PNLDC1: variants seen among roughly 807,000 people sequenced by gnomAD.
PNLDC1 encodes poly(A)-specific ribonuclease PNLDC1.
In PNLDC1, 70 loss-of-function variants were observed where a neutral mutation model predicts 82.0. The observed-to-expected ratio is 0.85, with a 90% CI of 0.70 to 1.04. The LOEUF (loss-of-function observed/expected upper bound fraction) is 1.04. Among genes scored for constraint, PNLDC1 ranks in the 50% least tolerant of loss-of-function variants. The pLI is 0.00. For missense variants in PNLDC1, 631 were observed against 661.1 expected, an observed-to-expected ratio of 0.95 and a Z score of 0.50; for synonymous variants, 280 against 249.3, an observed-to-expected ratio of 1.12 and a Z score of -1.16.
upstream of PNLDC1, among the ~76,000 whole-genome samples, chr6:159,799,844 A>G (rs2115017890): frequency 6.6e-6 from 1 of 152,300 alleles, no homozygotes; most frequent in Middle Eastern, 3.4e-3. Flanking sequence ...GGGGACAGAC[A>G]TACTGGCAGT....
In PNLDC1 at chr6:159,820,453, G is replaced by A. The variant is rs780167072; in HGVS notation, c.1533-1G>A. ...CACTGACACGTGTCATTGTCTTGCA[G>A]AGTCTGTGGCATAGTGACTGCCTGG... On this transcript the variant is annotated splice_acceptor_variant, in intron 18 of 18. Transcript: ENST00000392167. LOFTEE classifies it high-confidence loss of function. 1 of 1,614,094 alleles carries A rather than the reference G, an allele frequency of 6.2e-7. No individual in the cohort carries two copies. Among genetic ancestry groups the A allele is most frequent in the Admixed American group, 1.7e-5 (1 of 60,024 alleles).
intron 10 of PNLDC1, among the ~76,000 whole-genome samples, chr6:159,810,886 A>C (rs762134341): frequency 2.0e-5 from 3 of 152,246 alleles, no homozygotes; most frequent in Non-Finnish European, 4.4e-5. Context: ...AGTGAAATTA[A>C]TAATACACAT....
intron 15 of PNLDC1, 146 bp downstream of exon 15, chr6:159,817,297 G>T (rs1252279282): frequency 1.3e-5 from 10 of 798,404 alleles, no homozygotes; most frequent in Non-Finnish European, 1.9e-5. Context: ...TCTTGTCCCT[G>T]ACTGGGCAGC....
chr6:159,808,541 A>AAC (rs1413985686), intron 7 of PNLDC1, among the ~76,000 whole-genome samples, 199 bp from the exon 8 acceptor site: 11 of 151,768 alleles, frequency 7.2e-5, no homozygotes, highest in Admixed American at 6.6e-4. Context: ...AAAAAAAAAA[A>AAC]AAAAAACTCT....
chr6:159,800,899 T>A (rs951859330), intron 2 of PNLDC1, 70 bp downstream of exon 2: 1 of 1,606,736 alleles, frequency 6.2e-7, no homozygotes, highest in African/African-American at 1.3e-5. Context: ...GCCAGCAGCC[T>A]GTTGGCATTT....
At chr6:159,800,506 G>A (rs1208438393) in intron 1 of PNLDC1, 123 bp downstream of exon 1, 14 of 1,314,552 alleles carry the variant, frequency 1.1e-5, no homozygotes, top group African/African-American at 1.5e-5. Flanking sequence ...GGAAGGACAG[G>A]GGGGCTTCCT....
chr6:159,808,502 A>G (rs1252181356), intron 7 of PNLDC1, among the ~76,000 whole-genome samples: 1 of 149,392 alleles, frequency 6.7e-6, no homozygotes, highest in African/African-American at 2.5e-5. Flanking sequence ...GCTCTATGGC[A>G]TCCCCAACTT....
intron 13 of PNLDC1, 81 bp downstream of exon 13, chr6:159,816,114 T>TCC (rs1781806378): frequency 5.2e-6 from 3 of 576,176 alleles, no homozygotes; most frequent in Non-Finnish European, 6.5e-6. Context: ...TGACCCTGGT[T>TCC]CCCCCACACC....
At chr6:159,810,501 A>G (rs777737853) in intron 10 of PNLDC1, among the ~76,000 whole-genome samples, 1 of 152,104 alleles carries the variant, frequency 6.6e-6, no homozygotes, top group Non-Finnish European at 1.5e-5. Context: ...GCATTATTTT[A>G]TGTTGTTAAA....
At position 159,819,448 on chromosome 6, in the gene PNLDC1, T is replaced by C. The variant is rs1781962226; in HGVS notation, c.1532+96T>C. 1 of 1,071,526 alleles carries C rather than the reference T, an allele frequency of 9.3e-7. No homozygotes were observed. The highest frequency in any genetic ancestry group is 2.2e-5 in the Admixed American group (1 of 44,848). The allele number at this position is 1,071,526 out of a possible 1,614,324, so 66.4% of individuals were successfully genotyped here. ...TGGTCTGACTCGAGCACAGCTCACT[T>C]GCTGGTGTGTGTTGCCAAGGGGGTT... On this transcript the variant is annotated intron_variant, in intron 18 of 18. Coordinates refer to ENST00000392167, the MANE Select transcript of PNLDC1 (RefSeq NM_001271862.2). The surrounding 1 kb of genome is among the most constrained non-coding windows in gnomAD (Gnocchi z 4.6).
chr6:159,815,852 A>G, intron 12 of PNLDC1, 117 bp from the exon 13 acceptor site: 2 of 736,524 alleles, frequency 2.7e-6, no homozygotes, highest in South Asian at 3.4e-5. Context: ...TTTGCACCTT[A>G]AAGATATGTC....
chr6:159,809,985 A>T (rs749081128), intron 9 of PNLDC1, 41 bp from the exon 10 acceptor site: 2 of 1,536,884 alleles, frequency 1.3e-6, no homozygotes, highest in Non-Finnish European at 9.0e-7. Context: ...TCTGGATTAC[A>T]TTTTTTTATT....
Position 159,802,122 on chromosome 6 carries a change from C to T in PNLDC1, c.208+936C>T, listed in dbSNP as rs148915791. The stretch of plus-strand genomic sequence containing the variant: ...AGGCTGGTCAAGACAGAGCTGTTAA[C>T]GGTTGCGTAATGCTGTTTCTTTTAC... On this transcript the variant is annotated intron_variant, in intron 3 of 18. Transcript: ENST00000392167. Among the ~76,000 whole-genome samples the T allele has an allele frequency of 6.3e-3, 960 of 152,272 alleles. 11 individuals are homozygous for T. Among genetic ancestry groups the T allele is most frequent in the African/African-American group, 0.022 (921 of 41,548 alleles).
At position 159,818,696 on chromosome 6, in the gene PNLDC1, C is replaced by G. The variant is rs201200321; in HGVS notation, c.1257+42C>G. 4.1e-5 allele frequency: 64 copies of G among 1,572,050 alleles called. No individual in the cohort carries two copies. The East Asian group carries it at 1.4e-3, about 35-fold the overall frequency. The stretch of plus-strand genomic sequence containing the variant: ...TGGCCCCCTCGCCCCATTCAGAGTT[C>G]AGAGGCTTTGCTGGGAAGCGGCCAG... On this transcript the variant is annotated intron_variant, in intron 16 of 18. Transcript: ENST00000392167.
chr6:159,816,511 A>G, intron 13 of PNLDC1, 32 bp from the exon 14 acceptor site: 2 of 1,610,464 alleles, frequency 1.2e-6, no homozygotes, highest in East Asian at 2.2e-5. Context: ...TGACTGCTCA[A>G]TTCTCTGTCC....
chr6:159,806,152 G>A, intron 7 of PNLDC1, 69 bp downstream of exon 7: 1 of 1,201,028 alleles, frequency 8.3e-7, no homozygotes, highest in South Asian at 1.2e-5. Flanking sequence ...CAGGAGTTGG[G>A]GGAAACACAC....
rs565272499 is a variant in PNLDC1 at position 159,804,148 on chromosome 6, G to A, written c.372+60G>A. ...TTGTTTGTTTCTGAGATGGAGTCTC[G>A]CTCTGTTGCCCAGGCTGGAGTGCAG... On this transcript the variant is annotated intron_variant, in intron 5 of 18. Transcript: ENST00000392167. 62 of 1,581,258 alleles carry A rather than the reference G, an allele frequency of 3.9e-5. No homozygotes were observed. In the African/African-American group the frequency reaches 7.2e-4, roughly 18 times the overall value.
At chr6:159,808,668 C>G in intron 7 of PNLDC1, 72 bp from the exon 8 acceptor site, 1 of 1,409,030 alleles carries the variant, frequency 7.1e-7, no homozygotes, top group Non-Finnish European at 9.9e-7. Context: ...TTCTGCTCCT[C>G]CAGGGCTTCT....
intron 7 of PNLDC1, 138 bp from the exon 8 acceptor site, chr6:159,808,602 C>T (rs929409301): frequency 7.1e-5 from 51 of 720,076 alleles, no homozygotes; most frequent in Non-Finnish European, 1.1e-4. Flanking sequence ...TGCCACATGG[C>T]TCATGGGCTT....
Sources: allele counts gnomAD v4.1 joint callset (sites outside exome capture counted in the v4.1 genomes callset), GRCh38; gene constraint gnomAD v4.1.1; non-coding constraint Gnocchi (gnomAD v3.1); transcripts MANE v1.5; gene names NCBI Gene and HGNC (gene_info 2026-07-23, HGNC 2026-07-21).